Variants in EPHA3 observed in about 807,000 individuals in gnomAD.
EPHA3 encodes the protein EPH receptor A3, also known as ephrin type-A receptor 3.
A neutral mutation model predicts 107.1 loss-of-function variants in EPHA3; 42 were observed. The observed-to-expected ratio is 0.39, with a 90% CI of 0.31 to 0.51. The LOEUF (loss-of-function observed/expected upper bound fraction) is 0.51, where lower values mean the gene tolerates loss of function less well. Among genes scored for constraint, EPHA3 ranks in the 20% least tolerant of loss-of-function variants. The pLI is 0.78. For missense variants in EPHA3, 1,183 were observed against 1,211.2 expected, an observed-to-expected ratio of 0.98 and a Z score of 0.35; for synonymous variants, 461 against 424.8, an observed-to-expected ratio of 1.09 and a Z score of -1.05.
At chr3:89,152,500 C>T (rs1326219108) in intron 2 of EPHA3, among the ~76,000 whole-genome samples, 2 of 151,958 alleles carry the variant, frequency 1.3e-5, no homozygotes, top group Admixed American at 6.6e-5. Flanking sequence ...GGACCTAAAA[C>T]GTTCATACTG....
intron 14 of EPHA3, 144 bp downstream of exon 14, chr3:89,449,518 T>G: frequency 1.6e-6 from 1 of 632,576 alleles, no homozygotes; most frequent in South Asian, 5.0e-5. Context: ...TTCCAAGTCT[T>G]GCAAGGATAT....
intron 4 of EPHA3, 132 bp downstream of exon 4, chr3:89,341,203 C>G (rs1478437480): frequency 2.2e-6 from 2 of 896,466 alleles, no homozygotes; most frequent in Non-Finnish European, 1.7e-6. Context: ...AAAGCTTTCT[C>G]TGCTTCACTC....
At chr3:89,295,319 G>T (rs776301152) in intron 3 of EPHA3, among the ~76,000 whole-genome samples, 1 of 152,046 alleles carries the variant, frequency 6.6e-6, no homozygotes, top group African/African-American at 2.4e-5. Flanking sequence ...CTTTTTGTTC[G>T]TGGAGGATCT....
chr3:89,435,462 T>C (rs1427588453), intron 13 of EPHA3, among the ~76,000 whole-genome samples: 7 of 145,376 alleles, frequency 4.8e-5, no homozygotes, highest in African/African-American at 1.5e-4. Flanking sequence ...TATATAAATA[T>C]ATATTTATAT....
chr3:89,245,764 G>C (rs1705017388), intron 3 of EPHA3, among the ~76,000 whole-genome samples: 1 of 152,234 alleles, frequency 6.6e-6, no homozygotes, highest in African/African-American at 2.4e-5. Context: ...GGCATCTACT[G>C]TTATCAGAGT....
At chr3:89,313,742 A>C in intron 3 of EPHA3, among the ~76,000 whole-genome samples, 1 of 151,932 alleles carries the variant, frequency 6.6e-6, no homozygotes, top group Admixed American at 6.6e-5. Context: ...CAATTTGAAA[A>C]GAGATATATT....
chr3:89,185,618 G>T (rs1221106626), intron 2 of EPHA3, among the ~76,000 whole-genome samples: 1 of 152,040 alleles, frequency 6.6e-6, no homozygotes, highest in African/African-American at 2.4e-5. Context: ...AAAATGTGAA[G>T]TAGGTGGGAT....
In EPHA3 at chr3:89,107,724, T is replaced by G; in HGVS notation, c.-25T>G. 1 of 1,606,192 alleles carries G rather than the reference T, an allele frequency of 6.2e-7. No individual in the cohort carries two copies. Among genetic ancestry groups the G allele is most frequent in the Non-Finnish European group, 8.5e-7 (1 of 1,172,862 alleles). On this transcript the variant is annotated 5_prime_UTR_variant, in exon 1 of 17. Coordinates refer to ENST00000336596, the MANE Select transcript of EPHA3 (RefSeq NM_005233.6). ...GGCATGCTTCATGGAGATATGCTCCTCTCACTGCCCTCTGCACCAGCAACA... is the reference window on the plus strand; with the variant it reads ...GGCATGCTTCATGGAGATATGCTCCGCTCACTGCCCTCTGCACCAGCAACA...
At chr3:89,398,981 T>G (rs1708902001) in intron 6 of EPHA3, among the ~76,000 whole-genome samples, 1 of 151,984 alleles carries the variant, frequency 6.6e-6, no homozygotes, top group South Asian at 2.1e-4. Context: ...AATACAAAAA[T>G]TACCTGGGAG....
intron 3 of EPHA3, among the ~76,000 whole-genome samples, chr3:89,237,942 G>A (rs1418718517): frequency 6.6e-5 from 10 of 150,726 alleles, no homozygotes; most frequent in South Asian, 2.1e-4. Flanking sequence ...TTGCACCACT[G>A]CACTCCAGCC....
intron 3 of EPHA3, among the ~76,000 whole-genome samples, chr3:89,317,709 A>T (rs555175411): frequency 3.3e-5 from 5 of 151,880 alleles, no homozygotes; most frequent in Non-Finnish European, 5.9e-5. Flanking sequence ...ATATATTTAT[A>T]TTAATATATT....
rs1576339044 is a variant in EPHA3, at chr3:89,366,853, A to T, written c.1306+24763A>T. On this transcript the variant is annotated intron_variant, in intron 5 of 16. Coordinates refer to ENST00000336596, the MANE Select transcript of EPHA3 (RefSeq NM_005233.6). ...ATGTATTTTGTTCATTTTGTTCATT[A>T]GATGTGTTTCCTCAGCAACTAAAAT... Among the ~76,000 whole-genome samples the T allele has an allele frequency of 4.6e-5, 7 of 150,904 alleles. No homozygotes were observed. In the South Asian group the frequency reaches 1.3e-3, roughly 27 times the overall value.
intron 3 of EPHA3, among the ~76,000 whole-genome samples, chr3:89,225,246 C>A (rs1337622922): frequency 6.6e-6 from 1 of 152,038 alleles, no homozygotes; most frequent in Non-Finnish European, 1.5e-5. Context: ...AAAAAAAATG[C>A]CTTTATAATC....
intron 5 of EPHA3, among the ~76,000 whole-genome samples, chr3:89,388,364 A>C (rs1372285454): frequency 6.6e-6 from 1 of 152,192 alleles, no homozygotes; most frequent in Non-Finnish European, 1.5e-5. Flanking sequence ...ATGTAATTAC[A>C]ACACAATGCA....
At chr3:89,330,985 A>G (rs1336500889) in intron 3 of EPHA3, among the ~76,000 whole-genome samples, 1 of 152,144 alleles carries the variant, frequency 6.6e-6, no homozygotes. Flanking sequence ...CTCTTAGATC[A>G]GTGAAATGGA....
In EPHA3 at chr3:89,227,817, A is replaced by T. The variant is rs572291441; in HGVS notation, c.814+17297A>T. On this transcript the variant is annotated intron_variant, in intron 3 of 16. Transcript: ENST00000336596. Reference sequence around the variant, plus strand: ...TTGGGCAGTTTATTTGTAACGTTCCATGTCCAAGAATGACTCACTCTTATA... The same window carrying T: ...TTGGGCAGTTTATTTGTAACGTTCCTTGTCCAAGAATGACTCACTCTTATA... Among the ~76,000 whole-genome samples, 9 of 152,122 alleles carry T rather than the reference A, an allele frequency of 5.9e-5. No homozygotes were observed. The East Asian group carries it at 1.7e-3, about 29-fold the overall frequency.
intron 3 of EPHA3, among the ~76,000 whole-genome samples, chr3:89,285,803 G>A (rs1409094114): frequency 6.6e-6 from 1 of 152,172 alleles, no homozygotes; most frequent in African/African-American, 2.4e-5. Context: ...GGTGATGTCA[G>A]CAGAAGACAA....
intron 3 of EPHA3, among the ~76,000 whole-genome samples, chr3:89,313,613 A>G (rs1004989892): frequency 1.4e-4 from 22 of 152,098 alleles, no homozygotes; most frequent in African/African-American, 5.1e-4. Context: ...GGAAATTTTC[A>G]TAAGTCTATG....
At chr3:89,205,011 T>C (rs531975507) in intron 2 of EPHA3, among the ~76,000 whole-genome samples, 58 of 152,316 alleles carry the variant, frequency 3.8e-4, no homozygotes, top group African/African-American at 1.3e-3. Flanking sequence ...ATAATGTAAA[T>C]GTAACAATAT....
Sources: allele counts gnomAD v4.1 joint callset (sites outside exome capture counted in the v4.1 genomes callset), GRCh38; gene constraint gnomAD v4.1.1; transcripts MANE v1.5; gene names NCBI Gene and HGNC (gene_info 2026-07-23, HGNC 2026-07-21).